The following OPN3 variants were observed in gnomAD, a reference collection of about 807,000 sequenced individuals.
The protein encoded by OPN3 is opsin-3.
Under a neutral mutation model 33.8 loss-of-function variants are expected in OPN3, and 29 were observed. That is an observed-to-expected ratio of 0.86 (90% CI 0.64 to 1.17). The LOEUF (loss-of-function observed/expected upper bound fraction) is 1.17. OPN3 is among the 50% of genes most tolerant of loss of function. The pLI is 0.00. For synonymous variants in OPN3, 216 were observed against 216.1 expected (o/e 1.00, Z 0.00); for missense variants, 437 against 514.1 (o/e 0.85, Z 1.45).
intron 1 of OPN3, among the ~76,000 whole-genome samples, chr1:241,616,151 G>C (rs1472575014): frequency 6.6e-6 from 1 of 152,072 alleles, no homozygotes; most frequent in African/African-American, 2.4e-5. Context: ...CTAAGATTTG[G>C]CCTCCTCCTT....
intron 1 of OPN3, among the ~76,000 whole-genome samples, chr1:241,639,607 G>C (rs145713560): frequency 0.022 from 3,335 of 151,952 alleles, 52 homozygotes; most frequent in South Asian, 0.037. Context: ...GCCGGGGTTT[G>C]GGGTCAACGT....
chr1:241,631,066 A>G (rs1664616917), intron 1 of OPN3: 1 of 152,140 alleles, frequency 6.6e-6, no homozygotes, highest in Non-Finnish European at 1.5e-5. Context: ...GACATTATTT[A>G]AACATTTGAA....
chr1:241,607,563 GAAA>G (rs745892546), intron 1 of OPN3, among the ~76,000 whole-genome samples: 1 of 143,472 alleles, frequency 7.0e-6, no homozygotes, highest in East Asian at 2.0e-4. Flanking sequence ...AAGGAAGGAA[GAAA>G]GAAAGAAAGA....
intron 1 of OPN3, chr1:241,633,627 G>C: frequency 1.4e-6 from 1 of 705,752 alleles, no homozygotes; most frequent in Non-Finnish European, 2.3e-6. Context: ...CTCATTGATA[G>C]GTTAACAAAG....
chr1:241,639,995 T>C lies in OPN3; in HGVS notation c.260A>G (p.Asp87Gly), dbSNP rs757017318. ...GACCCCGAAGAGGGACACCAGCAGGTCGCTGAGGCTGATGTTGACCAGGAG... is the reference window on the plus strand; with the variant it reads ...GACCCCGAAGAGGGACACCAGCAGGCCGCTGAGGCTGATGTTGACCAGGAG... ...HLLLVNISLS[D>G]LLVSLFGVTF... The change falls in exon 1 of 4, where the codon GAC becomes GGC. Residue 87 changes from aspartate (D) to glycine (G), a missense_variant. Coordinates refer to ENST00000366554, the MANE Select transcript of OPN3 (RefSeq NM_014322.3). 6.2e-7 allele frequency: 1 copy of C among 1,612,868 alleles called. No homozygotes were observed. Among genetic ancestry groups the C allele is most frequent in the Non-Finnish European group, 8.5e-7 (1 of 1,179,552 alleles).
intron 1 of OPN3, chr1:241,636,183 C>T: frequency 2.5e-6 from 1 of 402,774 alleles, no homozygotes; most frequent in East Asian, 3.6e-5. Context: ...TGGACATAAA[C>T]CTCTACTAAA....
chr1:241,602,849 A>AT (rs1663712102), intron 2 of OPN3, among the ~76,000 whole-genome samples: 1 of 152,152 alleles, frequency 6.6e-6, no homozygotes, highest in South Asian at 2.1e-4. Flanking sequence ...GGACACAAAC[A>AT]TTCAGTCTAT....
Position 241,634,960 on chromosome 1 carries a change from C to T in OPN3, c.373+4922G>A, listed in dbSNP as rs753086407. 18 of 1,613,518 alleles carry T rather than the reference C, an allele frequency of 1.1e-5. No individual in the cohort carries two copies. In the African/African-American group the frequency reaches 2.3e-4, roughly 20 times the overall value. On this transcript the variant is annotated intron_variant, in intron 1 of 3. Transcript: ENST00000366554. Reference sequence around the variant, plus strand: ...AAGGAACTTGTTCTACCTTTCCTTCCCGAAATGCAAGAATCCTAGTGACAT... The same window carrying T: ...AAGGAACTTGTTCTACCTTTCCTTCTCGAAATGCAAGAATCCTAGTGACAT...
rs369752777 is a variant in OPN3 at position 241,636,969 on chromosome 1, T to A, written c.373+2913A>T. On this transcript the variant is annotated intron_variant, in intron 1 of 3. Coordinates refer to ENST00000366554, the MANE Select transcript of OPN3 (RefSeq NM_014322.3). Reference sequence around the variant, plus strand: ...AAGGGGAAGTTTAAAAAAAAAAAAATAATAAGGTTCTCCTGTTAACTTTGA... The same window carrying A: ...AAGGGGAAGTTTAAAAAAAAAAAAAAAATAAGGTTCTCCTGTTAACTTTGA... 1.0e-3 allele frequency among the ~76,000 whole-genome samples: 138 copies of A among 136,048 alleles called. 2 individuals carry two copies. The South Asian group carries it at 0.014, about 14-fold the overall frequency. The allele number at this position is 136,048 out of a possible 152,430, so 89.3% of individuals were successfully genotyped here. A position where few individuals can be genotyped will look rare whatever the true frequency, so the allele number is the denominator to read the frequency against.
intron 1 of OPN3, chr1:241,634,985 T>C (rs377486221): frequency 2.2e-5 from 36 of 1,613,554 alleles, no homozygotes; most frequent in Non-Finnish European, 2.9e-5. Flanking sequence ...CCTAGTGACA[T>C]TTTTAAATTC....
At chr1:241,627,046 AT>A (rs1159362571) in intron 1 of OPN3, among the ~76,000 whole-genome samples, 1 of 152,156 alleles carries the variant, frequency 6.6e-6, no homozygotes, top group Non-Finnish European at 1.5e-5. Context: ...TCCAGAGTGT[AT>A]TAGAATTAAA....
At chr1:241,634,247 A>C (rs1664775787) in intron 1 of OPN3, 1 of 1,613,982 alleles carries the variant, frequency 6.2e-7, no homozygotes, top group Non-Finnish European at 8.5e-7. Context: ...CAAATGTACC[A>C]GATAGGTGTC....
chr1:241,634,127 C>T (rs1664768639), intron 1 of OPN3: 2 of 1,612,902 alleles, frequency 1.2e-6, no homozygotes, highest in Non-Finnish European at 1.7e-6. Flanking sequence ...CCACAAGAGT[C>T]TTGGCTTTGT....
intron 2 of OPN3, among the ~76,000 whole-genome samples, chr1:241,602,314 G>C (rs2147999363): frequency 6.6e-6 from 1 of 152,260 alleles, no homozygotes; most frequent in South Asian, 2.1e-4. Flanking sequence ...ATGCTAGAAA[G>C]GAATAAAAAT....
chr1:241,611,324 G>T (rs542250087), intron 1 of OPN3, among the ~76,000 whole-genome samples: 1 of 152,046 alleles, frequency 6.6e-6, no homozygotes, highest in East Asian at 1.9e-4. Flanking sequence ...TGTATGAAAA[G>T]GTTACTATGA....
At chr1:241,616,361 ACT>A (rs1193006673) in intron 1 of OPN3, among the ~76,000 whole-genome samples, 2 of 151,978 alleles carry the variant, frequency 1.3e-5, no homozygotes, top group Non-Finnish European at 2.9e-5. Flanking sequence ...CTATTAAGAA[ACT>A]CTGTGTATTT....
chr1:241,613,838 A>G (rs1664057066), intron 1 of OPN3, among the ~76,000 whole-genome samples: 1 of 152,214 alleles, frequency 6.6e-6, no homozygotes, highest in Non-Finnish European at 1.5e-5. Flanking sequence ...AACCCAGCAC[A>G]ACATCAAAAT....
rs775981338 is a variant in OPN3, at chr1:241,604,424, T to C, written c.529A>G (p.Asn177Asp). The C allele has an allele frequency of 3.7e-6, 6 of 1,614,030 alleles. No individual in the cohort carries two copies. The South Asian group carries it at 6.6e-5, about 18-fold the overall frequency. The change falls in exon 2 of 4, where the codon AAC (asparagine) becomes GAC (aspartate). Residue 177 changes from asparagine (N) to aspartate (D), a missense_variant. Asn to Asp is a conservative substitution (Grantham distance 23, BLOSUM62 1). Transcript: ENST00000366554. ...AWAGAPLLGW[N>D]RYILDVHGLG... is the part of the protein sequence containing the mutation. ...CCGTGTACGTCCAGGATGTACCTGT[T>C]CCATCCCAGGAGAGGTGCTCCTGCC...
intron 1 of OPN3, among the ~76,000 whole-genome samples, chr1:241,624,390 T>C (rs1664355525): frequency 6.6e-6 from 1 of 152,224 alleles, no homozygotes; most frequent in Non-Finnish European, 1.5e-5. Flanking sequence ...TCTTCCTACA[T>C]GGGGTGTTGT....
Sources: gnomAD v4.1 joint callset for allele counts (sites outside exome capture counted in the v4.1 genomes callset) on GRCh38, gnomAD v4.1.1 for gene constraint, MANE v1.5 for transcripts, NCBI Gene and HGNC (gene_info 2026-07-23, HGNC 2026-07-21) for gene names.